Variants in UBR3 observed in about 807,000 individuals in gnomAD.
The protein encoded by UBR3 is ubiquitin protein ligase E3 component n-recognin 3, also known as E3 ubiquitin-protein ligase UBR3.
UBR3 carries 85 observed loss-of-function variants against 243.2 expected under a neutral mutation model. The ratio of observed to expected loss-of-function variants is 0.35; its 90% CI spans 0.29 to 0.42. The LOEUF is 0.42. Ranked by LOEUF, UBR3 falls within the 10% of genes least tolerant of loss-of-function variation. The pLI is 1.00. For synonymous variants in UBR3, 748 were observed against 799.8 expected, an observed-to-expected ratio of 0.94 and a Z score of 1.09; for missense variants, 1,686 against 2,300.8, an observed-to-expected ratio of 0.73 and a Z score of 5.47.
At chr2:169,895,020 G>A (rs1334272346) in intron 6 of UBR3, among the ~76,000 whole-genome samples, 161 bp from the exon 7 acceptor site, 1 of 151,832 alleles carries the variant, frequency 6.6e-6, no homozygotes, top group Non-Finnish European at 1.5e-5. Context: ...TTTATATACT[G>A]TGTACATTAT....
At chr2:170,073,730 T>A in intron 36 of UBR3, 123 bp downstream of exon 36, 1 of 966,084 alleles carries the variant, frequency 1.0e-6, no homozygotes, top group Non-Finnish European at 1.5e-6. Context: ...TTGATTAAAT[T>A]GAAAAAATTG....
At chr2:169,874,376 G>A (rs1041296678) in intron 2 of UBR3, among the ~76,000 whole-genome samples, 1 of 152,010 alleles carries the variant, frequency 6.6e-6, no homozygotes, top group African/African-American at 2.4e-5. Flanking sequence ...TACTGTGTTG[G>A]CCAGGCTGGT....
chr2:169,898,216 T>C (rs73011782), intron 8 of UBR3, among the ~76,000 whole-genome samples: 6,630 of 152,316 alleles, frequency 0.044, 165 homozygotes, highest in Middle Eastern at 0.068. Context: ...CTTGCTTTGT[T>C]CCACTCTTGC....
chr2:169,851,512 G>T (rs889801852), intron 1 of UBR3, among the ~76,000 whole-genome samples: 1 of 152,182 alleles, frequency 6.6e-6, no homozygotes, highest in Non-Finnish European at 1.5e-5. Flanking sequence ...AGTGTTTGAG[G>T]TAGATATTAT....
chr2:169,983,327 C>T (rs2088843866), intron 24 of UBR3, among the ~76,000 whole-genome samples: 1 of 125,140 alleles, frequency 8.0e-6, no homozygotes, highest in Non-Finnish European at 1.6e-5. Context: ...GTGGTGTGAT[C>T]TTGGCTCACT....
At chr2:170,058,523 C>CTT (rs35381644) in intron 33 of UBR3, among the ~76,000 whole-genome samples, 6 of 135,912 alleles carry the variant, frequency 4.4e-5, no homozygotes, top group Non-Finnish European at 8.0e-5. Flanking sequence ...TCTTTTCTTC[C>CTT]TTTTTTTTTT....
chr2:170,000,904 A>G lies in UBR3; in HGVS notation c.3919-400A>G, dbSNP rs138368435. ...AACGAAACCGAGAGAGTAGCATTAA[A>G]CCAGAGGAAAGTAGGCGTTTCAAGA... On this transcript the variant is annotated intron_variant, in intron 26 of 38. Transcript: ENST00000272793. 8.9e-3 allele frequency among the ~76,000 whole-genome samples: 1,357 copies of G among 152,300 alleles called. 10 individuals carry two copies. The highest frequency in any genetic ancestry group is 0.013 in the Admixed American group (201 of 15,292).
chr2:170,007,913 G>C (rs201545045), intron 28 of UBR3, among the ~76,000 whole-genome samples: 2 of 146,796 alleles, frequency 1.4e-5, no homozygotes, highest in Non-Finnish European at 3.0e-5. Flanking sequence ...TATATACTCT[G>C]TGTGTGTGTG....
At chr2:169,921,450 A>G (rs1480230175) in intron 11 of UBR3, among the ~76,000 whole-genome samples, 4 of 152,242 alleles carry the variant, frequency 2.6e-5, no homozygotes, top group East Asian at 1.9e-4. Context: ...AGTCTGTGAC[A>G]TTAGACAAGG....
At chr2:169,998,867 A>G (rs2089592390) in intron 26 of UBR3, among the ~76,000 whole-genome samples, 1 of 152,224 alleles carries the variant, frequency 6.6e-6, no homozygotes. Flanking sequence ...GTTTGAACTT[A>G]TAACTTAGTG....
At chr2:169,933,053 T>C (rs777059484) in intron 19 of UBR3, 45 bp downstream of exon 19, 71 of 1,393,932 alleles carry the variant, frequency 5.1e-5, no homozygotes, top group Non-Finnish European at 6.8e-5. Flanking sequence ...ATTTTATATT[T>C]ATATGGAAAA....
intron 22 of UBR3, 145 bp from the exon 23 acceptor site, chr2:169,949,460 G>T: frequency 1.3e-6 from 1 of 759,400 alleles, no homozygotes; most frequent in Non-Finnish European, 2.0e-6. Context: ...GGTCAAGGGA[G>T]AAATTTATTT....
intron 17 of UBR3, 92 bp from the exon 18 acceptor site, chr2:169,928,635 C>G: frequency 9.5e-7 from 1 of 1,056,214 alleles, no homozygotes; most frequent in Non-Finnish European, 1.3e-6. Flanking sequence ...TACTATTTGT[C>G]TACTTCAGCA....
At chr2:169,830,116 T>A (rs980955983) in intron 1 of UBR3, among the ~76,000 whole-genome samples, 2 of 152,200 alleles carry the variant, frequency 1.3e-5, no homozygotes, top group African/African-American at 4.8e-5. Context: ...TTCTTTAATT[T>A]CTTTTTTTAT....
At chr2:169,904,072 A>G (rs964272594) in intron 8 of UBR3, among the ~76,000 whole-genome samples, 1 of 152,150 alleles carries the variant, frequency 6.6e-6, no homozygotes, top group Non-Finnish European at 1.5e-5. Flanking sequence ...ATATAAAGCA[A>G]TCTGAGTGTA....
chr2:169,854,302 T>C (rs1355800421), intron 1 of UBR3, among the ~76,000 whole-genome samples: 2 of 152,196 alleles, frequency 1.3e-5, no homozygotes, highest in African/African-American at 4.8e-5. Context: ...ACCTGTAAGG[T>C]AGATGTTCTT....
In UBR3 at chr2:169,827,698, C is replaced by T. The variant is rs2081786609; in HGVS notation, c.191C>T (p.Pro64Leu). 2.3e-5 allele frequency: 28 copies of T among 1,213,508 alleles called. No homozygotes were observed. The highest frequency in any genetic ancestry group is 2.7e-5 in the Non-Finnish European group (26 of 979,940). 75.2% of individuals were successfully genotyped at this position (1,213,508 alleles called of 1,614,324 possible). A position where few individuals can be genotyped will look rare whatever the true frequency, so the allele number is the denominator to read the frequency against. Reference protein sequence around the residue: ...LLERVLSAERPLAAAAGGEDA... With the variant: ...LLERVLSAERLLAAAAGGEDA... ...GAGCGGGTGCTGAGCGCCGAGCGGCCGCTGGCCGCGGCTGCCGGCGGCGAG... is the reference window on the plus strand; with the variant it reads ...GAGCGGGTGCTGAGCGCCGAGCGGCTGCTGGCCGCGGCTGCCGGCGGCGAG... The change falls in exon 1 of 39, where the codon CCG becomes CTG. Residue 64 changes from proline (P) to leucine (L), a missense_variant. This residue lies in a region of UBR3 where 145 missense variants were observed against 243.8 expected (regional missense o/e 0.59). Transcript: ENST00000272793.
At chr2:169,858,797 A>G (rs1314391926) in intron 1 of UBR3, among the ~76,000 whole-genome samples, 1 of 151,944 alleles carries the variant, frequency 6.6e-6, no homozygotes, top group Non-Finnish European at 1.5e-5. Flanking sequence ...ATAGGGTTTC[A>G]CCATGTTGGC....
chr2:170,077,941 AGAGG>A (rs1341570502), intron 36 of UBR3: 3 of 548,440 alleles, frequency 5.5e-6, no homozygotes, highest in Non-Finnish European at 1.0e-5. Flanking sequence ...ACATTTAGAC[AGAGG>A]GACTTTCCAT....
Sources: gnomAD v4.1 joint callset for allele counts (sites outside exome capture counted in the v4.1 genomes callset) on GRCh38, gnomAD v4.1.1 for gene constraint, gnomAD v4.1.1 regional missense constraint, MANE v1.5 for transcripts, NCBI Gene and HGNC (gene_info 2026-07-23, HGNC 2026-07-21) for gene names.